The following CMIP variants were observed in gnomAD, a reference collection of about 807,000 sequenced individuals.
The protein encoded by CMIP is c-Maf inducing protein, also known as C-Maf-inducing protein.
CMIP carries 13 observed loss-of-function variants against 97.3 expected under a neutral mutation model. The observed-to-expected ratio is 0.13, with a 90% CI of 0.09 to 0.21. The LOEUF is 0.21. Ranked by LOEUF, CMIP falls within the 10% of genes least tolerant of loss-of-function variation. The pLI is 1.00. For missense variants in CMIP, 847 were observed against 1,024.9 expected (o/e 0.83, Z 2.37); for synonymous variants, 538 against 436.3 (o/e 1.23, Z -2.91).
rs146330418 is a variant in CMIP, at chr16:81,523,921, C to T, written c.300+78380C>T. On this transcript the variant is annotated intron_variant, in intron 1 of 20. Coordinates refer to ENST00000537098, the MANE Select transcript of CMIP (RefSeq NM_198390.3). Reference sequence around the variant, plus strand: ...GAACTAAAAGCCAGCGCCTGCACACCGGCAGAACTTTGCAGCTCCTGGCTC... The same window carrying T: ...GAACTAAAAGCCAGCGCCTGCACACTGGCAGAACTTTGCAGCTCCTGGCTC... Among the ~76,000 whole-genome samples, 14 of 152,380 alleles carry T rather than the reference C, an allele frequency of 9.2e-5. No individual in the cohort carries two copies. The East Asian group carries it at 1.5e-3, about 17-fold the overall frequency.
intron 1 of CMIP, among the ~76,000 whole-genome samples, chr16:81,545,146 A>G (rs1375677359): frequency 6.6e-6 from 1 of 151,982 alleles, no homozygotes; most frequent in Non-Finnish European, 1.5e-5. Flanking sequence ...CTCAGCTCAT[A>G]CTGGTGCGAA....
intron 6 of CMIP, among the ~76,000 whole-genome samples, chr16:81,662,075 G>A (rs71400168): frequency 1.3e-5 from 2 of 152,078 alleles, no homozygotes; most frequent in South Asian, 2.1e-4. Context: ...GTCTGCCTCC[G>A]GGACTCATGG....
intron 1 of CMIP, among the ~76,000 whole-genome samples, chr16:81,568,595 C>A (rs964918906): frequency 1.3e-5 from 2 of 152,176 alleles, no homozygotes; most frequent in Non-Finnish European, 1.5e-5. Flanking sequence ...CCTTGGCTTG[C>A]TGGGGGAGGA....
intron 2 of CMIP, among the ~76,000 whole-genome samples, chr16:81,615,285 GGT>G (rs1288451539): frequency 3.2e-5 from 3 of 92,820 alleles, no homozygotes; most frequent in African/African-American, 4.7e-5. Context: ...GTGGCTGTGT[GGT>G]GTGTGTGCAT....
chr16:81,647,728 G>C (rs1416486595), intron 3 of CMIP, among the ~76,000 whole-genome samples: 2 of 152,094 alleles, frequency 1.3e-5, no homozygotes, highest in African/African-American at 2.4e-5. Context: ...TTCATCACCT[G>C]ATGAGCTCAT....
At chr16:81,598,624 A>C (rs1597131356) in intron 1 of CMIP, among the ~76,000 whole-genome samples, 1 of 152,126 alleles carries the variant, frequency 6.6e-6, no homozygotes, top group Non-Finnish European at 1.5e-5. Context: ...TACTTTACAC[A>C]TGGTTCTAAC....
At chr16:81,510,470 C>G (rs1420029994) in intron 1 of CMIP, among the ~76,000 whole-genome samples, 2 of 152,198 alleles carry the variant, frequency 1.3e-5, no homozygotes, top group African/African-American at 2.4e-5. Flanking sequence ...TGAGGAAACA[C>G]TATTGTTAGT....
At chr16:81,625,689 G>A (rs952044332) in intron 3 of CMIP, among the ~76,000 whole-genome samples, 20 of 152,252 alleles carry the variant, frequency 1.3e-4, no homozygotes, top group African/African-American at 4.8e-4. Flanking sequence ...AACAGGCCCA[G>A]GTGACAGGTC....
chr16:81,485,972 G>A (rs542884341), intron 1 of CMIP, among the ~76,000 whole-genome samples: 1 of 152,308 alleles, frequency 6.6e-6, no homozygotes, highest in South Asian at 2.1e-4. Context: ...TGTGTCATGG[G>A]ACCGATGATC....
At chr16:81,641,087 C>T (rs987385885) in intron 3 of CMIP, among the ~76,000 whole-genome samples, 1 of 152,250 alleles carries the variant, frequency 6.6e-6, no homozygotes, top group African/African-American at 2.4e-5. Context: ...CACCTGGAAG[C>T]TGCTTAATGC....
At chr16:81,653,026 G>T (rs1156372272) in intron 4 of CMIP, among the ~76,000 whole-genome samples, 3 of 152,184 alleles carry the variant, frequency 2.0e-5, no homozygotes, top group African/African-American at 7.2e-5. Flanking sequence ...ACTCATCAGC[G>T]AGTCTGTCCC....
intron 1 of CMIP, among the ~76,000 whole-genome samples, chr16:81,448,992 G>A (rs1394833170): frequency 6.6e-6 from 1 of 152,264 alleles, no homozygotes; most frequent in Admixed American, 6.5e-5. Flanking sequence ...ATAAGCGGCC[G>A]GGTTCGGCAG....
At chr16:81,481,971 C>G (rs1027655384) in intron 1 of CMIP, among the ~76,000 whole-genome samples, 1 of 151,806 alleles carries the variant, frequency 6.6e-6, no homozygotes, top group Non-Finnish European at 1.5e-5. Flanking sequence ...CTCTGCCTCC[C>G]GGGTTCAGGT....
chr16:81,491,852 G>A (rs1336381549), intron 1 of CMIP, among the ~76,000 whole-genome samples: 1 of 152,188 alleles, frequency 6.6e-6, no homozygotes, highest in Non-Finnish European at 1.5e-5. Context: ...CAGGCACAGT[G>A]AACATGCTGG....
At chr16:81,605,404 C>G (rs2091726187) in intron 1 of CMIP, among the ~76,000 whole-genome samples, 1 of 151,700 alleles carries the variant, frequency 6.6e-6, no homozygotes, top group Non-Finnish European at 1.5e-5. Context: ...TGTCGCTCAC[C>G]TGGACCTGTG....
At chr16:81,574,987 T>C (rs1159759565) in intron 1 of CMIP, among the ~76,000 whole-genome samples, 4 of 152,222 alleles carry the variant, frequency 2.6e-5, no homozygotes, top group Non-Finnish European at 5.9e-5. Context: ...CCTCATTTCA[T>C]CCTGTAATGG....
At chr16:81,497,566 G>A (rs747356008) in intron 1 of CMIP, among the ~76,000 whole-genome samples, 1 of 152,238 alleles carries the variant, frequency 6.6e-6, no homozygotes, top group Non-Finnish European at 1.5e-5. Context: ...CAGCCAGCTT[G>A]GAGAAGTCAC....
chr16:81,461,874 G>A (rs1906917026), intron 1 of CMIP, among the ~76,000 whole-genome samples: 1 of 152,174 alleles, frequency 6.6e-6, no homozygotes, highest in South Asian at 2.1e-4. Flanking sequence ...TAAATGACAT[G>A]GTATATTTAT....
intron 1 of CMIP, among the ~76,000 whole-genome samples, chr16:81,589,238 A>G (rs576833768): frequency 6.6e-6 from 1 of 152,194 alleles, no homozygotes; most frequent in East Asian, 1.9e-4. Context: ...CTGGGACTAC[A>G]GGCGTGCACC....
Sources: gnomAD v4.1 joint callset for allele counts (sites outside exome capture counted in the v4.1 genomes callset) on GRCh38, gnomAD v4.1.1 for gene constraint, MANE v1.5 for transcripts, NCBI Gene and HGNC (gene_info 2026-07-23, HGNC 2026-07-21) for gene names.